SPTLC1: variants seen among roughly 807,000 people sequenced by gnomAD.
SPTLC1 encodes the protein serine palmitoyltransferase long chain base subunit 1, also known as serine palmitoyltransferase 1.
A neutral mutation model predicts 68.9 loss-of-function variants in SPTLC1; 55 were observed. That is an observed-to-expected ratio of 0.80 (90% CI 0.64 to 1.00). SPTLC1 has a LOEUF of 1.00. SPTLC1 is among the 50% of genes least tolerant of loss of function. The pLI is 0.00. For synonymous variants in SPTLC1, 197 were observed against 201.6 expected (o/e 0.98, Z 0.19); for missense variants, 449 against 573.1 (o/e 0.78, Z 2.21).
At chr9:92,056,802 A>T (rs531117594) in intron 7 of SPTLC1, among the ~76,000 whole-genome samples, 1 of 151,886 alleles carries the variant, frequency 6.6e-6, no homozygotes, top group South Asian at 2.1e-4. Flanking sequence ...CTAAAAAAAA[A>T]GTTTGTTGAG....
chr9:92,071,319 G>A (rs1211368499), intron 5 of SPTLC1, among the ~76,000 whole-genome samples: 2 of 151,962 alleles, frequency 1.3e-5, no homozygotes, highest in Non-Finnish European at 2.9e-5. Context: ...AGAATCGCCT[G>A]AACCCAGGAG....
intron 12 of SPTLC1, among the ~76,000 whole-genome samples, chr9:92,039,376 T>C (rs1833261809): frequency 6.6e-6 from 1 of 152,060 alleles, no homozygotes; most frequent in South Asian, 2.1e-4. Context: ...TTTAATCCTG[T>C]ATTTTTACTA....
intron 12 of SPTLC1, among the ~76,000 whole-genome samples, chr9:92,042,337 A>G (rs553028625): frequency 4.6e-5 from 7 of 152,352 alleles, no homozygotes; most frequent in Middle Eastern, 3.4e-3. Context: ...GAACACCATT[A>G]TTGCAGATAA....
intron 3 of SPTLC1, among the ~76,000 whole-genome samples, chr9:92,087,618 G>A (rs188751928): frequency 0.05 from 7,627 of 152,280 alleles, 259 homozygotes; most frequent in Middle Eastern, 0.065. Flanking sequence ...TGTCTCAGAG[G>A]AGTACCCAGC....
At chr9:92,104,937 T>C (rs2012758) in intron 3 of SPTLC1, 4 of 1,534,246 alleles carry the variant, frequency 2.6e-6, no homozygotes, top group Middle Eastern at 2.3e-4. Context: ...CACAGCCCTG[T>C]TGGAGGCATC....
chr9:92,105,953 T>A (rs1250752883), intron 3 of SPTLC1, among the ~76,000 whole-genome samples: 1 of 151,060 alleles, frequency 6.6e-6, no homozygotes, highest in Non-Finnish European at 1.5e-5. Flanking sequence ...GAAGCACCTC[T>A]GCCTGGCCGC....
At chr9:92,054,747 T>C (rs905105796) in intron 8 of SPTLC1, among the ~76,000 whole-genome samples, 3 of 152,072 alleles carry the variant, frequency 2.0e-5, no homozygotes, top group African/African-American at 7.2e-5. Flanking sequence ...ACCCCGTCTC[T>C]ACTAAAAATA....
intron 2 of SPTLC1, chr9:92,110,808 A>C (rs1170656112): frequency 1.3e-5 from 2 of 152,168 alleles, no homozygotes; most frequent in East Asian, 3.9e-4. Context: ...TTGCTTTCCT[A>C]GTCTCAATCT....
intron 12 of SPTLC1, among the ~76,000 whole-genome samples, chr9:92,040,976 G>A (rs963590672): frequency 1.3e-5 from 2 of 152,128 alleles, no homozygotes; most frequent in Non-Finnish European, 2.9e-5. Context: ...GTGTTTCAGA[G>A]TCTATTATAC....
At chr9:92,085,705 A>T (rs1392254900) in intron 3 of SPTLC1, among the ~76,000 whole-genome samples, 1 of 151,716 alleles carries the variant, frequency 6.6e-6, no homozygotes, top group Non-Finnish European at 1.5e-5. Flanking sequence ...GTGCTGAAAA[A>T]AATGTATATT....
At chr9:92,115,184 A>G (rs1836405257) in intron 1 of SPTLC1, 130 bp downstream of exon 1, 2 of 824,472 alleles carry the variant, frequency 2.4e-6, no homozygotes, top group South Asian at 2.7e-5. Flanking sequence ...CAGTCCTTCC[A>G]GCAAGAGGCA....
intron 3 of SPTLC1, among the ~76,000 whole-genome samples, chr9:92,106,886 CAT>C (rs536595389): frequency 6.2e-4 from 94 of 152,224 alleles, no homozygotes; most frequent in African/African-American, 2.2e-3. Context: ...CTCCTACACC[CAT>C]ATGTGTGCAT....
chr9:92,103,757 C>T (rs568581930), intron 3 of SPTLC1, among the ~76,000 whole-genome samples: 1 of 152,334 alleles, frequency 6.6e-6, no homozygotes, highest in African/African-American at 2.4e-5. Context: ...GGGAGCCTGG[C>T]AGGATCTGGC....
At chr9:92,070,032 A>T (rs1459976510) in intron 5 of SPTLC1, 1 of 152,172 alleles carries the variant, frequency 6.6e-6, no homozygotes, top group Non-Finnish European at 1.5e-5. Context: ...GCATGTTACA[A>T]ATCTTCCCAT....
rs376342795 is a variant in SPTLC1 at position 92,068,084 on chromosome 9, A to G, written c.442T>C (p.Leu148=). Residue 148 remains leucine (L), a synonymous_variant, in exon 6 of 15, where the codon TTG becomes CTG. Transcript: ENST00000262554. ...FYGTFDVHLD[L]EDRLAKFMKT... is the part of the protein sequence containing the mutation. ...ATAAATTTTGCCAGGCGGTCTTCCA[A>G]ATCCAAATGAACATCTATTTCAGTT... is the stretch of plus-strand genomic sequence containing the variant. The G allele has an allele frequency of 5.0e-6, 8 of 1,614,004 alleles. No homozygotes were observed. The Admixed American group carries it at 1.3e-4, about 27-fold the overall frequency.
At chr9:92,036,583 A>ACAC (rs1205544379) in intron 13 of SPTLC1, among the ~76,000 whole-genome samples, 1 of 152,186 alleles carries the variant, frequency 6.6e-6, no homozygotes, top group East Asian at 1.9e-4. Context: ...CTCAGACCCA[A>ACAC]CACCAGCGCA....
At chr9:92,055,526 T>C in intron 7 of SPTLC1, 32 bp from the exon 8 acceptor site, 1 of 1,606,778 alleles carries the variant, frequency 6.2e-7, no homozygotes, top group South Asian at 1.1e-5. Flanking sequence ...CATCTTACAT[T>C]TCAGTAACTC....
At chr9:92,067,167 C>T (rs1203898419) in intron 6 of SPTLC1, among the ~76,000 whole-genome samples, 7 of 151,424 alleles carry the variant, frequency 4.6e-5, no homozygotes, top group South Asian at 2.1e-4. Context: ...GGCATGGTGG[C>T]GCATGCCTGT....
At chr9:92,061,060 G>C (rs547630804) in intron 6 of SPTLC1, among the ~76,000 whole-genome samples, 206 of 152,268 alleles carry the variant, frequency 1.4e-3, no homozygotes, top group African/African-American at 4.7e-3. Context: ...CAGAAGAAGA[G>C]AAAGAGGTGG....
Sources: allele counts gnomAD v4.1 joint callset (sites outside exome capture counted in the v4.1 genomes callset), GRCh38; gene constraint gnomAD v4.1.1; transcripts MANE v1.5; gene names NCBI Gene and HGNC (gene_info 2026-07-23, HGNC 2026-07-21).